The following SPTLC1 variants were observed in gnomAD, a reference collection of about 807,000 sequenced individuals.
SPTLC1 encodes serine palmitoyltransferase long chain base subunit 1.
In SPTLC1, 55 loss-of-function variants were observed where a neutral mutation model predicts 68.9. The ratio of observed to expected loss-of-function variants is 0.80; its 90% confidence interval spans 0.64 to 1.00. SPTLC1 has a LOEUF of 1.00. Ranked by LOEUF, SPTLC1 falls within the 50% of genes least tolerant of loss-of-function variation. The pLI is 0.00. For missense variants in SPTLC1, 449 were observed against 573.1 expected, an observed-to-expected ratio of 0.78 and a Z score of 2.21; for synonymous variants, 197 against 201.6, an observed-to-expected ratio of 0.98 and a Z score of 0.19.
chr9:92,091,090 ATCTCTAACAATGCTACC>A (rs140819585), intron 3 of SPTLC1, among the ~76,000 whole-genome samples: 2,050 of 152,324 alleles, frequency 0.013, 55 homozygotes, highest in African/African-American at 0.046. Context: ...AACCAGAATG[ATCTCTAACAATGCTACC>A]TTTAGGTGTT....
intron 5 of SPTLC1, among the ~76,000 whole-genome samples, chr9:92,072,472 G>A (rs1026991391): frequency 6.6e-5 from 10 of 152,030 alleles, no homozygotes; most frequent in Non-Finnish European, 1.2e-4. Context: ...CACACAACCC[G>A]GGACCTCCAT....
chr9:92,044,035 G>A (rs536908478), intron 12 of SPTLC1, among the ~76,000 whole-genome samples: 8 of 152,256 alleles, frequency 5.3e-5, no homozygotes, highest in Non-Finnish European at 8.8e-5. Flanking sequence ...TTGCCCCTGC[G>A]ACCCTTATGA....
chr9:92,051,059 A>G (rs1833690034), intron 8 of SPTLC1: 1 of 985,268 alleles, frequency 1.0e-6, no homozygotes, highest in South Asian at 4.7e-5. Context: ...TCATTACTGT[A>G]GCCCTATAAT....
chr9:92,032,887 A>C (rs1448822816), intron 14 of SPTLC1, among the ~76,000 whole-genome samples: 3 of 152,004 alleles, frequency 2.0e-5, no homozygotes, highest in Non-Finnish European at 4.4e-5. Flanking sequence ...AAAAAAAAAA[A>C]AAACCAAAAA....
chr9:92,088,155 T>C (rs1031363907), intron 3 of SPTLC1, among the ~76,000 whole-genome samples: 4 of 152,208 alleles, frequency 2.6e-5, no homozygotes, highest in African/African-American at 9.6e-5. Flanking sequence ...CTGTCACCCC[T>C]TTCTTTGACT....
At chr9:92,097,122 C>T (rs966901800) in intron 3 of SPTLC1, among the ~76,000 whole-genome samples, 1 of 152,204 alleles carries the variant, frequency 6.6e-6, no homozygotes, top group African/African-American at 2.4e-5. Flanking sequence ...CATAAGATCC[C>T]ACTTCCCACC....
intron 5 of SPTLC1, among the ~76,000 whole-genome samples, chr9:92,069,687 G>A (rs962027218): frequency 6.6e-5 from 10 of 152,124 alleles, no homozygotes; most frequent in African/African-American, 1.9e-4. Flanking sequence ...TTCTCTGAGC[G>A]CCATCACTTT....
rs2118441856 is a variant in SPTLC1, at chr9:92,046,356, T to C, written c.1082-303A>G. ...CTGGCTAAGAATCAAAGGGTACAAA[T>C]TTATTGCTTATTTCTTTATCCTAAA... is the stretch of plus-strand genomic sequence containing the variant. On this transcript the variant is annotated intron_variant, in intron 11 of 14. Transcript: ENST00000262554. The C allele has an allele frequency of 1.2e-5, 4 of 332,942 alleles. No homozygotes were observed. The South Asian group carries it at 1.9e-4, about 16-fold the overall frequency. 20.6% of individuals were successfully genotyped at this position (332,942 alleles called of 1,614,324 possible). A position where few individuals can be genotyped will look rare whatever the true frequency, so the allele number is the denominator to read the frequency against.
intron 3 of SPTLC1, among the ~76,000 whole-genome samples, chr9:92,085,220 GT>G (rs1203639931): frequency 6.7e-6 from 1 of 149,742 alleles, no homozygotes; most frequent in South Asian, 2.1e-4. Context: ...TTTTTGAAGG[GT>G]TTTTTGTGTC....
chr9:92,049,080 C>T (rs554303249), intron 9 of SPTLC1, among the ~76,000 whole-genome samples: 9 of 152,272 alleles, frequency 5.9e-5, no homozygotes, highest in South Asian at 2.1e-4. Context: ...TTTACCTCCT[C>T]GGTGCATGTA....
rs117339760 is a variant in SPTLC1 at position 92,090,886 on chromosome 9, G to A, written c.261-9923C>T. Among the ~76,000 whole-genome samples, 528 of 152,106 alleles carry A rather than the reference G, an allele frequency of 3.5e-3. 11 individuals are homozygous for A. The highest frequency in any genetic ancestry group is 3.8e-3 in the Non-Finnish European group (260 of 68,000). ...CCATCTGCCTGACATCCTCCCTTAA[G>A]GTGACTTATGAATGGAAGTCACACA... On this transcript the variant is annotated intron_variant, in intron 3 of 14. Transcript: ENST00000262554.
chr9:92,066,968 G>C (rs980115344), intron 6 of SPTLC1, among the ~76,000 whole-genome samples: 1 of 151,054 alleles, frequency 6.6e-6, no homozygotes, highest in Non-Finnish European at 1.5e-5. Context: ...CGACAAGAGT[G>C]AAACTCCATC....
chr9:92,093,901 A>G (rs181486402), intron 3 of SPTLC1, among the ~76,000 whole-genome samples: 7 of 152,344 alleles, frequency 4.6e-5, no homozygotes, highest in Admixed American at 3.9e-4. Context: ...GAAAGAATCT[A>G]GAATTCATGA....
chr9:92,041,631 C>T (rs1383109971), intron 12 of SPTLC1, among the ~76,000 whole-genome samples: 4 of 152,066 alleles, frequency 2.6e-5, no homozygotes, highest in African/African-American at 4.8e-5. Context: ...AATCATCTAC[C>T]GAAGCTACCC....
At chr9:92,062,017 G>A (rs1451574371) in intron 6 of SPTLC1, among the ~76,000 whole-genome samples, 1 of 152,102 alleles carries the variant, frequency 6.6e-6, no homozygotes, top group East Asian at 1.9e-4. Context: ...AAATGTAAAT[G>A]TACAAATACA....
intron 3 of SPTLC1, among the ~76,000 whole-genome samples, chr9:92,105,761 C>T (rs149222603): frequency 0.013 from 1,912 of 150,612 alleles, 37 homozygotes; most frequent in African/African-American, 0.045. Flanking sequence ...TCTGCCCAGC[C>T]GCCGCCCTGT....
intron 3 of SPTLC1, among the ~76,000 whole-genome samples, chr9:92,090,229 A>G (rs1835306059): frequency 6.6e-6 from 1 of 152,244 alleles, no homozygotes; most frequent in Non-Finnish European, 1.5e-5. Flanking sequence ...CAAATATCAG[A>G]CATCAAGAAA....
chr9:92,078,042 T>C (rs1834744865), intron 5 of SPTLC1, among the ~76,000 whole-genome samples: 2 of 151,880 alleles, frequency 1.3e-5, no homozygotes, highest in Admixed American at 6.6e-5. Flanking sequence ...TACACAGCTG[T>C]CCCTGCCCTG....
intron 5 of SPTLC1, among the ~76,000 whole-genome samples, chr9:92,076,448 G>A (rs1198493362): frequency 1.3e-5 from 2 of 152,072 alleles, no homozygotes; most frequent in East Asian, 3.9e-4. Context: ...CTCTCCTTCT[G>A]AAACCTTAAA....
Sources: gnomAD v4.1 joint callset for allele counts (sites outside exome capture counted in the v4.1 genomes callset) on GRCh38, gnomAD v4.1.1 for gene constraint, MANE v1.5 for transcripts, NCBI Gene and HGNC (gene_info 2026-07-23, HGNC 2026-07-21) for gene names.